Variants in PPFIA2 observed in about 807,000 individuals in gnomAD.
PPFIA2 encodes PPFI scaffold protein A2.
PPFIA2 carries 46 observed loss-of-function variants against 175.5 expected under a neutral mutation model. The observed-to-expected ratio is 0.26, with a 90% confidence interval of 0.21 to 0.34. The LOEUF is 0.34. Ranked by LOEUF, PPFIA2 falls within the 10% of genes least tolerant of loss-of-function variation. The probability of loss-of-function intolerance (pLI) is 1.00; values close to 1 mark genes in which losing one functional copy is unlikely to be tolerated. For missense variants in PPFIA2, 1,179 were observed against 1,506.1 expected (o/e 0.78, Z 3.60); for synonymous variants, 568 against 511.4 (o/e 1.11, Z -1.49).
At position 81,523,526 on chromosome 12, in the gene PPFIA2, T is replaced by G. The variant is rs538380905; in HGVS notation, c.304-65660A>C. Among the ~76,000 whole-genome samples, 562 of 152,320 alleles carry G rather than the reference T, an allele frequency of 3.7e-3. 2 individuals are homozygous for G. The highest frequency in any genetic ancestry group is 0.013 in the African/African-American group (526 of 41,562). On this transcript the variant is annotated intron_variant, in intron 4 of 32. Coordinates refer to ENST00000549396, the MANE Select transcript of PPFIA2 (RefSeq NM_003625.5). ...AGCACATTTTTGTCATTAGAACACT[T>G]GAATTATTATTAATTATTGAATACT... is the stretch of plus-strand genomic sequence containing the variant.
intron 13 of PPFIA2, among the ~76,000 whole-genome samples, chr12:81,367,875 A>T (rs1313833591): frequency 6.6e-6 from 1 of 151,730 alleles, no homozygotes; most frequent in Non-Finnish European, 1.5e-5. Context: ...AATAAAATTA[A>T]ACTAAGAGTG....
At chr12:81,364,960 G>C (rs918985571) in intron 14 of PPFIA2, among the ~76,000 whole-genome samples, 1 of 151,684 alleles carries the variant, frequency 6.6e-6, no homozygotes, top group Non-Finnish European at 1.5e-5. Context: ...AGTGGGGTGA[G>C]AATAGACTGG....
chr12:81,361,997 G>A (rs1189113190), intron 15 of PPFIA2, among the ~76,000 whole-genome samples: 1 of 122,930 alleles, frequency 8.1e-6, no homozygotes, highest in South Asian at 2.8e-4. Flanking sequence ...ATCTATCTAT[G>A]TATCTATGTA....
At position 81,642,658 on chromosome 12, in the gene PPFIA2, CT is replaced by C. The variant is rs2065170711; in HGVS notation, c.303+34132del. On this transcript the variant is annotated intron_variant, in intron 4 of 32. Transcript: ENST00000549396. The stretch of plus-strand genomic sequence containing the variant: ...CTATTATATACATACATGTATGTAT[CT>C]ATTATATACATACATGTATGTATCT... Among the ~76,000 whole-genome samples, 15 of 43,578 alleles carry C rather than the reference CT, an allele frequency of 3.4e-4. 3 individuals are homozygous for C. Among genetic ancestry groups the C allele is most frequent in the African/African-American group, 1.2e-3 (14 of 11,746 alleles). 28.6% of individuals were successfully genotyped at this position (43,578 alleles called of 152,430 possible).
rs772865221 is a variant in PPFIA2, at chr12:81,362,680, A to G, written c.1637+13T>C. 2.7e-5 allele frequency: 40 copies of G among 1,506,828 alleles called. No homozygotes were observed. In the South Asian group the frequency reaches 4.7e-4, roughly 18 times the overall value. 93.3% of individuals were successfully genotyped at this position (1,506,828 alleles called of 1,614,324 possible). On this transcript the variant is annotated intron_variant, in intron 15 of 32. Coordinates refer to ENST00000549396, the MANE Select transcript of PPFIA2 (RefSeq NM_003625.5). ...TTCAGTGAATTATAGATAAGCTTTT[A>G]GTTTAATGTTACCTTGGTATTGTGG...
intron 22 of PPFIA2, among the ~76,000 whole-genome samples, chr12:81,303,192 GA>G (rs1332244972): frequency 6.6e-6 from 1 of 152,110 alleles, no homozygotes; most frequent in African/African-American, 2.4e-5. Context: ...TCCAGAAAAA[GA>G]ATGTGATCAC....
intron 14 of PPFIA2, among the ~76,000 whole-genome samples, chr12:81,365,744 GT>G (rs1328374900): frequency 2.0e-5 from 3 of 151,576 alleles, no homozygotes; most frequent in Non-Finnish European, 4.4e-5. Context: ...TCTCTGTGTT[GT>G]TTTTGTGAAC....
At chr12:81,320,395 T>C (rs1379145284) in intron 22 of PPFIA2, among the ~76,000 whole-genome samples, 1 of 152,088 alleles carries the variant, frequency 6.6e-6, no homozygotes, top group African/African-American at 2.4e-5. Context: ...GAGAGGATGC[T>C]GCTGATAGCT....
chr12:81,642,673 A>ACG lies in PPFIA2; in HGVS notation c.303+34117_303+34118insCG, dbSNP rs1555549134. 4.7e-3 allele frequency among the ~76,000 whole-genome samples: 134 copies of ACG among 28,412 alleles called. 41 individuals carry two copies. The highest frequency in any genetic ancestry group is 0.035 in the African/African-American group (129 of 3,724). 18.6% of individuals were successfully genotyped at this position (28,412 alleles called of 152,430 possible). Reference sequence around the variant, plus strand: ...ATGTATGTATCTATTATATACATACATGTATGTATCTATTATATACATACA... The same window carrying ACG: ...ATGTATGTATCTATTATATACATACACGTGTATGTATCTATTATATACATACA... On this transcript the variant is annotated intron_variant, in intron 4 of 32. Transcript: ENST00000549396.
intron 7 of PPFIA2, among the ~76,000 whole-genome samples, chr12:81,437,698 C>T (rs1046284454): frequency 6.6e-6 from 1 of 152,094 alleles, no homozygotes; most frequent in African/African-American, 2.4e-5. Flanking sequence ...TTGAGAAATG[C>T]ATCCAAAATG....
chr12:81,332,845 C>T (rs529306434), intron 21 of PPFIA2, among the ~76,000 whole-genome samples: 20 of 152,178 alleles, frequency 1.3e-4, no homozygotes, highest in African/African-American at 3.6e-4. Flanking sequence ...ATCTCAGTTT[C>T]GATATGTATA....
intron 3 of PPFIA2, among the ~76,000 whole-genome samples, chr12:81,742,092 G>A (rs997052658): frequency 1.3e-5 from 2 of 152,200 alleles, no homozygotes; most frequent in African/African-American, 4.8e-5. Context: ...CACCAGGATG[G>A]TGGGATAGAA....
intron 4 of PPFIA2, among the ~76,000 whole-genome samples, chr12:81,649,379 C>CCACTAAAATGACTAAAAT (rs1266498740): frequency 6.6e-6 from 1 of 152,082 alleles, no homozygotes; most frequent in African/African-American, 2.4e-5. Context: ...TATGACATAT[C>CCACTAAAATGACTAAAAT]CACTAAAATG....
intron 4 of PPFIA2, among the ~76,000 whole-genome samples, chr12:81,620,122 T>G (rs1419335435): frequency 8.1e-6 from 1 of 123,856 alleles, no homozygotes; most frequent in Non-Finnish European, 1.6e-5. Context: ...ATCGCGCCAC[T>G]GCACTCCAGC....
chr12:81,499,585 T>C (rs1196772280), intron 4 of PPFIA2, among the ~76,000 whole-genome samples: 1 of 152,170 alleles, frequency 6.6e-6, no homozygotes, highest in African/African-American at 2.4e-5. Context: ...TAAACACTTT[T>C]TGTCAGATCC....
intron 4 of PPFIA2, among the ~76,000 whole-genome samples, chr12:81,642,769 T>TATGTATATATTATGTACATAC (rs1567689505): frequency 3.2e-5 from 1 of 31,606 alleles, no homozygotes; most frequent in South Asian, 1.4e-3. Context: ...CATGTATATG[T>TATGTATATATTATGTACATAC]ATGTATGTAT....
intron 4 of PPFIA2, among the ~76,000 whole-genome samples, chr12:81,537,518 A>G (rs2065576540): frequency 6.6e-6 from 1 of 151,846 alleles, no homozygotes; most frequent in South Asian, 2.1e-4. Flanking sequence ...AACTGAGTGT[A>G]CTTGGATTCC....
intron 4 of PPFIA2, among the ~76,000 whole-genome samples, chr12:81,555,943 T>C (rs1207786228): frequency 6.6e-6 from 1 of 151,946 alleles, no homozygotes; most frequent in African/African-American, 2.4e-5. Flanking sequence ...ATTCAGAGTT[T>C]TTAAAAATAG....
At chr12:81,446,190 G>A (rs1257091423) in intron 5 of PPFIA2, among the ~76,000 whole-genome samples, 3 of 152,088 alleles carry the variant, frequency 2.0e-5, no homozygotes, top group Non-Finnish European at 4.4e-5. Flanking sequence ...TAATCACATG[G>A]TTTTATTCAC....
Sources: gnomAD v4.1 joint callset for allele counts (sites outside exome capture counted in the v4.1 genomes callset) on GRCh38, gnomAD v4.1.1 for gene constraint, MANE v1.5 for transcripts, NCBI Gene and HGNC (gene_info 2026-07-23, HGNC 2026-07-21) for gene names.